The following NFKB1 variants were observed in gnomAD, a reference collection of about 807,000 sequenced individuals.
The protein encoded by NFKB1 is nuclear factor NF-kappa-B p105 subunit.
In NFKB1, 9 loss-of-function variants were observed where a neutral mutation model predicts 105.1. The observed-to-expected ratio is 0.09, with a 90% CI of 0.05 to 0.15. The LOEUF is 0.15. NFKB1 is among the 10% of genes least tolerant of loss of function. The probability of loss-of-function intolerance (pLI) is 1.00; values close to 1 mark genes in which losing one functional copy is unlikely to be tolerated. For synonymous variants in NFKB1, 440 were observed against 442.2 expected, an observed-to-expected ratio of 1.00 and a Z score of 0.06; for missense variants, 830 against 1,203.7, an observed-to-expected ratio of 0.69 and a Z score of 4.59.
chr4:102,600,623 A>T (rs151332524), intron 15 of NFKB1, among the ~76,000 whole-genome samples: 3 of 152,202 alleles, frequency 2.0e-5, no homozygotes, highest in Admixed American at 2.0e-4. Context: ...CAGTGTGTTT[A>T]TACATCAAGG....
rs980167609 is a variant in NFKB1, at chr4:102,588,145, G to C, written c.1066+3325G>C. 1.6e-4 allele frequency among the ~76,000 whole-genome samples: 25 copies of C among 152,126 alleles called. No individual in the cohort carries two copies. The East Asian group carries it at 2.7e-3, about 16-fold the overall frequency. ...TCATAGACTATCTAGAACAGTATAA[G>C]TTGCATAGAAAATGCTCATTAAATA... On this transcript the variant is annotated intron_variant, in intron 11 of 23. Transcript: ENST00000226574.
intron 5 of NFKB1, among the ~76,000 whole-genome samples, chr4:102,556,156 G>A (rs914868326): frequency 2.6e-5 from 4 of 152,170 alleles, no homozygotes; most frequent in African/African-American, 9.6e-5. Flanking sequence ...TTAGAAGGCA[G>A]CATTTGTATT....
rs1311577382 is a variant in NFKB1 at position 102,502,390 on chromosome 4, G to GCGCACACACA, written c.-8+603_-8+604insGCACACACAC. On this transcript the variant is annotated intron_variant, in intron 1 of 23. Coordinates refer to ENST00000226574, the MANE Select transcript of NFKB1 (RefSeq NM_003998.4). ...CCCCCCTCCGTGCGCGCGCGCGCGC[G>GCGCACACACA]CACACACACACACACACACACACAC... Among the ~76,000 whole-genome samples the GCGCACACACA allele has an allele frequency of 7.7e-3, 806 of 105,330 alleles. 34 individuals are homozygous for GCGCACACACA. The highest frequency in any genetic ancestry group is 0.029 in the African/African-American group (689 of 23,960). 69.1% of individuals were successfully genotyped at this position (105,330 alleles called of 152,430 possible).
At chr4:102,597,170 T>C (rs941696383) in intron 14 of NFKB1, among the ~76,000 whole-genome samples, 1 of 152,226 alleles carries the variant, frequency 6.6e-6, no homozygotes, top group African/African-American at 2.4e-5. Context: ...TTCACCAAGA[T>C]ATTGGTGATT....
At chr4:102,530,853 A>G (rs1485655708) in intron 3 of NFKB1, among the ~76,000 whole-genome samples, 1 of 152,170 alleles carries the variant, frequency 6.6e-6, no homozygotes, top group African/African-American at 2.4e-5. Context: ...AAGTAGATCT[A>G]CTATACTTTC....
chr4:102,540,602 G>T (rs1181968052), intron 5 of NFKB1, among the ~76,000 whole-genome samples: 1 of 152,098 alleles, frequency 6.6e-6, no homozygotes, highest in Non-Finnish European at 1.5e-5. Flanking sequence ...AGAGGAGGAG[G>T]AACTTAGAGG....
chr4:102,510,909 AAGAC>A (rs1157268720), intron 1 of NFKB1: 1 of 1,282,584 alleles, frequency 7.8e-7, no homozygotes, highest in East Asian at 5.6e-5. Context: ...ATCAAGAAAA[AAGAC>A]AGAAGCATAT....
intron 16 of NFKB1, among the ~76,000 whole-genome samples, chr4:102,605,096 C>A (rs1194138522): frequency 2.6e-5 from 4 of 152,036 alleles, no homozygotes; most frequent in African/African-American, 9.7e-5. Flanking sequence ...CAATCTCATT[C>A]TCTTTCCTTT....
At chr4:102,506,468 G>T (rs910355701) in intron 1 of NFKB1, among the ~76,000 whole-genome samples, 1 of 152,144 alleles carries the variant, frequency 6.6e-6, no homozygotes, top group Non-Finnish European at 1.5e-5. Flanking sequence ...AGTTAGCAGG[G>T]TTTACTGTAC....
At chr4:102,560,478 G>A (rs1006784926) in intron 5 of NFKB1, among the ~76,000 whole-genome samples, 6 of 152,118 alleles carry the variant, frequency 3.9e-5, no homozygotes, top group African/African-American at 1.2e-4. Flanking sequence ...GATATCATGA[G>A]CCATATATGC....
At chr4:102,597,382 C>T (rs1726709608) in intron 14 of NFKB1, 138 bp from the exon 15 acceptor site, 1 of 864,220 alleles carries the variant, frequency 1.2e-6, no homozygotes, top group African/African-American at 1.7e-5. Flanking sequence ...AATCCAAAAG[C>T]ATTGAAAGAA....
chr4:102,587,003 G>T (rs966419107), intron 11 of NFKB1, among the ~76,000 whole-genome samples: 3 of 152,234 alleles, frequency 2.0e-5, no homozygotes, highest in African/African-American at 7.2e-5. Flanking sequence ...TGTTTGGTCA[G>T]ATTTGTAGTG....
At chr4:102,569,838 T>C (rs1322614363) in intron 6 of NFKB1, among the ~76,000 whole-genome samples, 1 of 152,192 alleles carries the variant, frequency 6.6e-6, no homozygotes, top group Admixed American at 6.5e-5. Flanking sequence ...CTGGTTTGAT[T>C]GCTGTAATGT....
At chr4:102,582,278 TA>T (rs142405904) in intron 9 of NFKB1, among the ~76,000 whole-genome samples, 1,745 of 152,294 alleles carry the variant, frequency 0.011, 41 homozygotes, top group African/African-American at 0.039. Context: ...CTGTCTATGT[TA>T]AAATCCTGGT....
chr4:102,501,706 T>C lies in NFKB1; in HGVS notation c.-90T>C, dbSNP rs2149088527. The C allele has an allele frequency of 6.6e-6, 1 of 152,368 alleles. No homozygotes were observed. Among genetic ancestry groups the C allele is most frequent in the African/African-American group, 2.4e-5 (1 of 41,508 alleles). 9.4% of individuals were successfully genotyped at this position (152,368 alleles called of 1,614,324 possible). ...CGGGCTCCGGCCTGCCGCCGCCTCT[T>C]CCTTCTCCAGCCGGCAGGCCCGCGC... is the stretch of plus-strand genomic sequence containing the variant. On this transcript the variant is annotated 5_prime_UTR_variant, in exon 1 of 24. Transcript: ENST00000226574.
intron 21 of NFKB1, 33 bp downstream of exon 21, chr4:102,612,143 A>G (rs767060788): frequency 7.1e-6 from 11 of 1,560,154 alleles, no homozygotes; most frequent in Non-Finnish European, 9.7e-6. Flanking sequence ...TCTCTTAACC[A>G]TTATTATCTC....
chr4:102,546,101 T>G (rs1020066240), intron 5 of NFKB1, among the ~76,000 whole-genome samples: 3 of 152,068 alleles, frequency 2.0e-5, no homozygotes. Context: ...AAAAAAAATT[T>G]TTTAAAGAAA....
At chr4:102,575,071 A>G (rs1248411793) in intron 6 of NFKB1, among the ~76,000 whole-genome samples, 1 of 152,220 alleles carries the variant, frequency 6.6e-6, no homozygotes, top group African/African-American at 2.4e-5. Flanking sequence ...AAAACTGCCT[A>G]TGCTTCTATG....
intron 7 of NFKB1, chr4:102,578,068 T>G (rs1389524084): frequency 2.6e-6 from 2 of 758,636 alleles, no homozygotes; most frequent in African/African-American, 1.9e-5. Context: ...AGTCTACTAC[T>G]TGGTAGGAGC....
Sources: allele counts gnomAD v4.1 joint callset (sites outside exome capture counted in the v4.1 genomes callset), GRCh38; gene constraint gnomAD v4.1.1; transcripts MANE v1.5; gene names NCBI Gene and HGNC (gene_info 2026-07-23, HGNC 2026-07-21).